The following SCFD2 variants were observed in gnomAD, a reference collection of about 807,000 sequenced individuals.
SCFD2 encodes sec1 family domain containing 2, also known as sec1 family domain-containing protein 2.
Under a neutral mutation model 58.9 loss-of-function variants are expected in SCFD2, and 54 were observed. That is an observed-to-expected ratio of 0.92 (90% CI 0.74 to 1.15). The LOEUF is 1.15. Among genes scored for constraint, SCFD2 ranks in the 50% most tolerant of loss-of-function variants. The pLI, the probability that SCFD2 is intolerant of heterozygous loss-of-function variation, is 0.00. For synonymous variants in SCFD2, 321 were observed against 335.9 expected (o/e 0.96, Z 0.49); for missense variants, 805 against 836.6 (o/e 0.96, Z 0.47).
intron 5 of SCFD2, among the ~76,000 whole-genome samples, chr4:52,977,449 T>C (rs1033332157): frequency 3.3e-5 from 5 of 152,034 alleles, no homozygotes; most frequent in Non-Finnish European, 5.9e-5. Context: ...AAGAACTTCA[T>C]GGGAAGAGGG....
chr4:53,074,168 A>G (rs1344522991), intron 5 of SCFD2, among the ~76,000 whole-genome samples: 2 of 152,228 alleles, frequency 1.3e-5, no homozygotes, highest in East Asian at 1.9e-4. Context: ...AACAATGTTC[A>G]TAGCATCTTT....
At chr4:53,049,654 C>T (rs1723135781) in intron 5 of SCFD2, among the ~76,000 whole-genome samples, 1 of 152,108 alleles carries the variant, frequency 6.6e-6, no homozygotes, top group Non-Finnish European at 1.5e-5. Flanking sequence ...AGCAGAAAGG[C>T]AGCAGGGCAT....
At chr4:53,335,194 C>CAAAAAAAAAAAAAAAA (rs56344451) in intron 2 of SCFD2, among the ~76,000 whole-genome samples, 9 of 80,588 alleles carry the variant, frequency 1.1e-4, no homozygotes, top group Admixed American at 1.6e-4. Context: ...GACTCCGTCT[C>CAAAAAAAAAAAAAAAA]AAAAAAAAAA....
rs1447586315 is a variant in SCFD2, at chr4:53,333,630, C to T, written c.1007+18968G>A. 8.8e-5 allele frequency among the ~76,000 whole-genome samples: 13 copies of T among 147,972 alleles called. No individual in the cohort carries two copies. In the East Asian group the frequency reaches 2.6e-3, roughly 29 times the overall value. ...TGGATTAAAGACTTAAACGTTAGAC[C>T]TAAAACCATAAAAACCCTAGAAGAA... is the stretch of plus-strand genomic sequence containing the variant. On this transcript the variant is annotated intron_variant, in intron 2 of 8. Coordinates refer to ENST00000401642, the MANE Select transcript of SCFD2 (RefSeq NM_152540.4).
intron 5 of SCFD2, among the ~76,000 whole-genome samples, chr4:53,039,036 A>G (rs1309526783): frequency 6.6e-6 from 1 of 152,136 alleles, no homozygotes; most frequent in African/African-American, 2.4e-5. Flanking sequence ...ACAGGATTTG[A>G]ATTCTGAGCT....
At chr4:53,049,675 A>G (rs1723136204) in intron 5 of SCFD2, among the ~76,000 whole-genome samples, 1 of 152,144 alleles carries the variant, frequency 6.6e-6, no homozygotes, top group African/African-American at 2.4e-5. Context: ...AGTGAATGGA[A>G]GGCATGCATC....
chr4:52,910,827 T>G (rs1719467011), intron 6 of SCFD2, among the ~76,000 whole-genome samples: 1 of 152,058 alleles, frequency 6.6e-6, no homozygotes, highest in African/African-American at 2.4e-5. Context: ...GATCCGATGG[T>G]TTTACAAGCA....
At chr4:53,329,403 CG>C (rs1733343314) in intron 2 of SCFD2, among the ~76,000 whole-genome samples, 1 of 152,072 alleles carries the variant, frequency 6.6e-6, no homozygotes, top group Admixed American at 6.6e-5. Context: ...GATCTCAGAA[CG>C]GGCAGACTGC....
intron 4 of SCFD2, among the ~76,000 whole-genome samples, chr4:53,272,892 AT>A (rs1731218767): frequency 6.6e-6 from 1 of 152,214 alleles, no homozygotes; most frequent in East Asian, 1.9e-4. Context: ...AAAGCAAGCT[AT>A]TTAGGGATAT....
chr4:53,218,990 C>T (rs1351618264), intron 4 of SCFD2, among the ~76,000 whole-genome samples: 1 of 152,182 alleles, frequency 6.6e-6, no homozygotes. Flanking sequence ...CCTGATCGTT[C>T]CTCTGGAAGC....
At chr4:53,231,806 C>A (rs1320018980) in intron 4 of SCFD2, among the ~76,000 whole-genome samples, 1 of 151,624 alleles carries the variant, frequency 6.6e-6, no homozygotes. Flanking sequence ...AATGTAGTAC[C>A]AAGAAGAAAA....
intron 1 of SCFD2, among the ~76,000 whole-genome samples, chr4:53,357,266 T>A (rs1487019576): frequency 2.0e-5 from 3 of 151,610 alleles, no homozygotes; most frequent in South Asian, 2.1e-4. Flanking sequence ...TACTAAAAAA[T>A]ATATATATAT....
intron 4 of SCFD2, among the ~76,000 whole-genome samples, chr4:53,261,842 G>A (rs1436159439): frequency 6.6e-6 from 1 of 152,104 alleles, no homozygotes; most frequent in African/African-American, 2.4e-5. Context: ...CACTATTGCT[G>A]TGTTGCCATC....
At chr4:52,971,560 A>G (rs1294697186) in intron 5 of SCFD2, among the ~76,000 whole-genome samples, 1 of 152,212 alleles carries the variant, frequency 6.6e-6, no homozygotes, top group Admixed American at 6.5e-5. Context: ...TGAAAGTGAC[A>G]GGGAGAATGG....
chr4:52,895,880 T>C (rs1037925142), intron 7 of SCFD2, among the ~76,000 whole-genome samples: 5 of 152,250 alleles, frequency 3.3e-5, no homozygotes, highest in African/African-American at 1.2e-4. Context: ...GATATCTCAC[T>C]GTGGTTTTGA....
At chr4:53,148,606 G>A (rs902440716) in intron 4 of SCFD2, among the ~76,000 whole-genome samples, 28 of 152,262 alleles carry the variant, frequency 1.8e-4, no homozygotes, top group African/African-American at 6.5e-4. Flanking sequence ...GTCATGTTAT[G>A]CCCAGGTCTC....
chr4:53,351,611 TTAAA>T (rs1560461674), intron 2 of SCFD2, among the ~76,000 whole-genome samples: 1 of 152,200 alleles, frequency 6.6e-6, no homozygotes, highest in Non-Finnish European at 1.5e-5. Flanking sequence ...CTCTGAACAG[TTAAA>T]TGTGTTTCCA....
intron 5 of SCFD2, among the ~76,000 whole-genome samples, chr4:53,062,930 A>G (rs1455252831): frequency 1.3e-5 from 2 of 152,168 alleles, no homozygotes; most frequent in Non-Finnish European, 2.9e-5. Flanking sequence ...ATATAATTTA[A>G]TAGGTGCACA....
At chr4:52,999,856 T>C (rs1721827294) in intron 5 of SCFD2, among the ~76,000 whole-genome samples, 1 of 152,202 alleles carries the variant, frequency 6.6e-6, no homozygotes, top group South Asian at 2.1e-4. Flanking sequence ...GACGACTTCC[T>C]TGTTGTCCTC....
Sources: allele counts gnomAD v4.1 joint callset (sites outside exome capture counted in the v4.1 genomes callset), GRCh38; gene constraint gnomAD v4.1.1; transcripts MANE v1.5; gene names NCBI Gene and HGNC (gene_info 2026-07-23, HGNC 2026-07-21).